The following DNAJC1 variants were observed in gnomAD, a reference collection of about 807,000 sequenced individuals.
The protein encoded by DNAJC1 is dnaJ homolog subfamily C member 1.
Under a neutral mutation model 76.6 loss-of-function variants are expected in DNAJC1, and 58 were observed. The observed-to-expected ratio is 0.76, with a 90% CI of 0.61 to 0.94. The LOEUF is 0.94. Ranked by LOEUF, DNAJC1 falls within the 40% of genes least tolerant of loss-of-function variation. DNAJC1 has a pLI of 0.00. For synonymous variants in DNAJC1, 258 were observed against 267.9 expected (o/e 0.96, Z 0.36); for missense variants, 689 against 677.3 (o/e 1.02, Z -0.19).
intron 8 of DNAJC1, among the ~76,000 whole-genome samples, chr10:21,849,292 CAAAAA>C (rs33953332): frequency 7.7e-3 from 276 of 35,838 alleles, no homozygotes; most frequent in Admixed American, 0.02. Context: ...GACTCCGCCT[CAAAAA>C]AAAAAAAAAA....
intron 8 of DNAJC1, among the ~76,000 whole-genome samples, chr10:21,861,283 G>T (rs1779426656): frequency 6.6e-6 from 1 of 152,106 alleles, no homozygotes; most frequent in South Asian, 2.1e-4. Flanking sequence ...CAATTTCATA[G>T]AAAGGAGAAA....
intron 1 of DNAJC1, among the ~76,000 whole-genome samples, chr10:21,985,424 T>C (rs891756839): frequency 9.9e-5 from 15 of 152,084 alleles, no homozygotes; most frequent in African/African-American, 3.4e-4. Context: ...TAATTTCGTA[T>C]TTTTAGCAGA....
At chr10:21,813,618 C>T (rs540490855) in intron 8 of DNAJC1, among the ~76,000 whole-genome samples, 71 of 152,224 alleles carry the variant, frequency 4.7e-4, no homozygotes, top group Middle Eastern at 3.4e-3. Flanking sequence ...AGGATGGTCT[C>T]GATCTCCTGA....
intron 7 of DNAJC1, 128 bp from the exon 8 acceptor site, chr10:21,882,567 G>C (rs890719160): frequency 4.7e-6 from 3 of 642,592 alleles, no homozygotes; most frequent in African/African-American, 1.9e-5. Context: ...TAAATAATTG[G>C]CTATAACTTT....
intron 8 of DNAJC1, among the ~76,000 whole-genome samples, chr10:21,830,893 GTTC>G (rs1835347052): frequency 6.6e-6 from 1 of 151,972 alleles, no homozygotes; most frequent in Non-Finnish European, 1.5e-5. Flanking sequence ...ATTTCTAAAA[GTTC>G]TTTTTTTCAT....
At chr10:21,757,196 G>A (rs987826071) in intron 11 of DNAJC1, among the ~76,000 whole-genome samples, 1 of 152,286 alleles carries the variant, frequency 6.6e-6, no homozygotes, top group Admixed American at 6.5e-5. Flanking sequence ...TGGGGAGCCA[G>A]CCCCCAGGAC....
chr10:21,782,983 A>C (rs1834552842), intron 9 of DNAJC1, among the ~76,000 whole-genome samples: 1 of 152,208 alleles, frequency 6.6e-6, no homozygotes. Flanking sequence ...CCCTTTGAAA[A>C]CTGGCACAAG....
intron 6 of DNAJC1, 138 bp downstream of exon 6, chr10:21,918,641 C>A: frequency 1.7e-6 from 1 of 594,142 alleles, no homozygotes; most frequent in East Asian, 2.9e-5. Context: ...TTAGGTTTAA[C>A]TTATAAAAAT....
Position 21,939,629 on chromosome 10 carries a change from A to G in DNAJC1, c.223-10488T>C, listed in dbSNP as rs185155941. Among the ~76,000 whole-genome samples, 339 of 152,292 alleles carry G rather than the reference A, an allele frequency of 2.2e-3. 3 individuals are homozygous for G. The highest frequency in any genetic ancestry group is 7.7e-3 in the African/African-American group (320 of 41,546). On this transcript the variant is annotated intron_variant, in intron 1 of 11. Transcript: ENST00000376980. ...TGTACAAGTCTGTAGCCTAGGATCA[A>G]TAGTCTATACCATGTTGCCTAGGTG...
chr10:21,900,516 T>G (rs1437428480), intron 7 of DNAJC1, among the ~76,000 whole-genome samples: 1 of 152,158 alleles, frequency 6.6e-6, no homozygotes, highest in South Asian at 2.1e-4. Flanking sequence ...ATTAAGGGAA[T>G]TGTAAATTTA....
intron 1 of DNAJC1, among the ~76,000 whole-genome samples, chr10:21,939,244 G>T (rs1473226406): frequency 1.3e-5 from 2 of 152,012 alleles, no homozygotes. Context: ...AAGACTCAGG[G>T]GTATTAAATT....
At chr10:21,890,183 G>T (rs1472932735) in intron 7 of DNAJC1, among the ~76,000 whole-genome samples, 2 of 151,828 alleles carry the variant, frequency 1.3e-5, no homozygotes, top group South Asian at 2.1e-4. Flanking sequence ...AGGCTGGGGG[G>T]GGGTGGATGA....
intron 8 of DNAJC1, among the ~76,000 whole-genome samples, chr10:21,853,787 CAAAAAAAAAAAAAAAAAA>C (rs1011936425): frequency 7.9e-5 from 1 of 12,580 alleles, no homozygotes; most frequent in Non-Finnish European, 1.8e-4. Flanking sequence ...GACTCCATCT[CAAAAAAAAAAAAAAAAAA>C]AAAAAAAAAA....
At chr10:21,821,314 G>A (rs564614959) in intron 8 of DNAJC1, among the ~76,000 whole-genome samples, 1 of 152,050 alleles carries the variant, frequency 6.6e-6, no homozygotes, top group South Asian at 2.1e-4. Context: ...TATGAGCCAG[G>A]AATTGTAGAA....
chr10:21,765,840 T>C (rs936221503), intron 10 of DNAJC1, among the ~76,000 whole-genome samples: 1 of 94,070 alleles, frequency 1.1e-5, no homozygotes, highest in African/African-American at 2.8e-5. Context: ...CAAGACTCCG[T>C]CTCAAAAAAA....
At chr10:21,825,301 G>T (rs1016393306) in intron 8 of DNAJC1, among the ~76,000 whole-genome samples, 1 of 152,256 alleles carries the variant, frequency 6.6e-6, no homozygotes, top group Admixed American at 6.5e-5. Context: ...CATAAACATG[G>T]AATTATATCA....
chr10:21,787,593 C>A (rs1200366748), intron 9 of DNAJC1, among the ~76,000 whole-genome samples: 1 of 152,178 alleles, frequency 6.6e-6, no homozygotes, highest in Non-Finnish European at 1.5e-5. Context: ...GAAGTAACAG[C>A]AACCCTGGTG....
intron 1 of DNAJC1, among the ~76,000 whole-genome samples, chr10:21,937,818 G>GA (rs1234957924): frequency 6.6e-5 from 10 of 152,060 alleles, no homozygotes; most frequent in African/African-American, 2.4e-4. Flanking sequence ...AAGGAAATTT[G>GA]AAAAATTCAC....
At chr10:21,892,633 A>G (rs1836478446) in intron 7 of DNAJC1, among the ~76,000 whole-genome samples, 1 of 152,088 alleles carries the variant, frequency 6.6e-6, no homozygotes, top group Non-Finnish European at 1.5e-5. Context: ...TGCTATCTAT[A>G]ACAAACTCAT....
Sources: allele counts gnomAD v4.1 joint callset (sites outside exome capture counted in the v4.1 genomes callset), GRCh38; gene constraint gnomAD v4.1.1; transcripts MANE v1.5; gene names NCBI Gene and HGNC (gene_info 2026-07-23, HGNC 2026-07-21).